The following GLB1L2 variants were observed in gnomAD, a reference collection of about 807,000 sequenced individuals.
GLB1L2 encodes beta-galactosidase-1-like protein 2.
A neutral mutation model predicts 84.1 loss-of-function variants in GLB1L2; 68 were observed. That is an observed-to-expected ratio of 0.81 (90% CI 0.67 to 0.99). GLB1L2 has a LOEUF of 0.99. GLB1L2 is among the 50% of genes least tolerant of loss of function. The pLI, the probability that GLB1L2 is intolerant of heterozygous loss-of-function variation, is 0.00. For missense variants in GLB1L2, 762 were observed against 805.6 expected (o/e 0.95, Z 0.66); for synonymous variants, 290 against 318.0 (o/e 0.91, Z 0.94).
At chr11:134,353,415 A>C (rs1021628071) in intron 5 of GLB1L2, among the ~76,000 whole-genome samples, 4 of 152,018 alleles carry the variant, frequency 2.6e-5, no homozygotes, top group African/African-American at 9.7e-5. Flanking sequence ...GTTTTTTTTT[A>C]AAAAAGAAAA....
chr11:134,364,374 G>A lies in GLB1L2; in HGVS notation c.780G>A (p.Leu260=), dbSNP rs1007610787. ...NLQSTHELQL[L]TTFLFNVQGT... ...AGTCAACACACGAGCTGCAGCTACT[G>A]ACCACCTTTCTCTTCAACGTCCAGG... The change falls in exon 8 of 19, where the codon CTG becomes CTA. Residue 260 remains leucine (L), a synonymous_variant. Transcript: ENST00000535456. The A allele has an allele frequency of 1.2e-5, 20 of 1,613,950 alleles. No individual in the cohort carries two copies. The highest frequency in any genetic ancestry group is 1.7e-5 in the Non-Finnish European group (20 of 1,179,954).
Position 134,347,405 on chromosome 11 carries a change from A to G in GLB1L2, c.530A>G (p.His177Arg), listed in dbSNP as rs1364394080. Residue 177 changes from histidine (H) to arginine (R), a missense_variant, in exon 5 of 19, where the codon CAC becomes CGC. By Grantham distance (29) the His-to-Arg change is conservative. Transcript: ENST00000535456. Reference sequence around the variant, plus strand: ...GAAGCAGTGGACCTTTATTTTGACCACCTGATGTCCAGGGTGGTGCCACTC... The same window carrying G: ...GAAGCAGTGGACCTTTATTTTGACCGCCTGATGTCCAGGGTGGTGCCACTC... ...FTEAVDLYFD[H>R]LMSRVVPLQY... 1 of 1,613,962 alleles carries G rather than the reference A, an allele frequency of 6.2e-7. No individual in the cohort carries two copies. The highest frequency in any genetic ancestry group is 2.2e-5 in the East Asian group (1 of 44,884).
At chr11:134,332,332 G>A (rs1367314712) in intron 1 of GLB1L2, among the ~76,000 whole-genome samples, 185 bp downstream of exon 1, 1 of 152,030 alleles carries the variant, frequency 6.6e-6, no homozygotes, top group Non-Finnish European at 1.5e-5. Context: ...TACTCCTGCC[G>A]CGCGATCCAG....
chr11:134,352,893 C>T (rs556481321), intron 5 of GLB1L2, among the ~76,000 whole-genome samples: 2 of 152,084 alleles, frequency 1.3e-5, no homozygotes, highest in Non-Finnish European at 2.9e-5. Flanking sequence ...GGTGATCCGC[C>T]CGCCTTGGCC....
At chr11:134,344,221 AT>A (rs1168053963) in intron 2 of GLB1L2, among the ~76,000 whole-genome samples, 165 bp from the exon 3 acceptor site, 1 of 152,236 alleles carries the variant, frequency 6.6e-6, no homozygotes, top group Non-Finnish European at 1.5e-5. Context: ...CTTGCCCTCG[AT>A]TCTGGTCCCT....
Position 134,373,811 on chromosome 11 carries a change from G to C in GLB1L2, c.1595+3G>C. On this transcript the variant is annotated splice_donor_region_variant and intron_variant, in intron 16 of 18. Transcript: ENST00000535456. ...ATGAAGAAGAGCTTCTTTCAGAGGTGGGTCCCTGCCCAGCACCAGCCCTTG... is the reference window on the plus strand; with the variant it reads ...ATGAAGAAGAGCTTCTTTCAGAGGTCGGTCCCTGCCCAGCACCAGCCCTTG... The C allele has an allele frequency of 6.3e-7, 1 of 1,596,558 alleles. No individual in the cohort carries two copies. The highest frequency in any genetic ancestry group is 8.6e-7 in the Non-Finnish European group (1 of 1,164,448).
At chr11:134,373,664 C>T (rs1943986509) in intron 15 of GLB1L2, 57 bp from the exon 16 acceptor site, 1 of 1,180,102 alleles carries the variant, frequency 8.5e-7, no homozygotes, top group African/African-American at 1.5e-5. Context: ...TGGCCCCGGC[C>T]CAGCTGACTC....
intron 15 of GLB1L2, among the ~76,000 whole-genome samples, chr11:134,373,406 G>A (rs761720257): frequency 5.3e-5 from 8 of 152,176 alleles, no homozygotes; most frequent in Non-Finnish European, 8.8e-5. Flanking sequence ...GAACCCTCTC[G>A]GTCATCTGGA....
chr11:134,364,272 A>T lies in GLB1L2; in HGVS notation c.734-56A>T. The T allele has an allele frequency of 2.1e-6, 3 of 1,420,778 alleles. No individual in the cohort carries two copies. The East Asian group carries it at 6.8e-5, about 32-fold the overall frequency. 88.0% of individuals were successfully genotyped at this position (1,420,778 alleles called of 1,614,324 possible). On this transcript the variant is annotated intron_variant, in intron 7 of 18. Coordinates refer to ENST00000535456, the MANE Select transcript of GLB1L2 (RefSeq NM_001370461.1). ...TGAGAAGGGTCTGGGGTCACCTAGAAGGTCCCTGGCTTTGAGACAGTGCTT... is the reference window on the plus strand; with the variant it reads ...TGAGAAGGGTCTGGGGTCACCTAGATGGTCCCTGGCTTTGAGACAGTGCTT...
At chr11:134,358,610 C>A (rs1221303028) in intron 6 of GLB1L2, among the ~76,000 whole-genome samples, 1 of 152,266 alleles carries the variant, frequency 6.6e-6, no homozygotes, top group Non-Finnish European at 1.5e-5. Flanking sequence ...AAACCCACAC[C>A]GGCCAGCGTG....
At chr11:134,355,122 C>T (rs1943684549) in intron 5 of GLB1L2, among the ~76,000 whole-genome samples, 1 of 152,136 alleles carries the variant, frequency 6.6e-6, no homozygotes, top group South Asian at 2.1e-4. Flanking sequence ...TGCCGTTGAA[C>T]TCCTCTAGTG....
Position 134,332,071 on chromosome 11 carries a change from T to G in GLB1L2, c.10T>G (p.Trp4Gly). 6.3e-7 allele frequency: 1 copy of G among 1,580,760 alleles called. No homozygotes were observed. Reference sequence around the variant, plus strand: ...GCTTAGAGAACACGCGATGACCACGTGGAGCCTCCGGCGGAGGCCGGCCCG... The same window carrying G: ...GCTTAGAGAACACGCGATGACCACGGGGAGCCTCCGGCGGAGGCCGGCCCG... MTT[W>G]SLRRRPARTL... is the part of the protein sequence containing the mutation. Residue 4 changes from tryptophan to glycine, a missense_variant, in exon 1 of 19, where the codon TGG becomes GGG. Around this residue, in one of 3 missense-constraint regions of GLB1L2, gnomAD observed 100 missense variants for 88.8 expected, o/e 1.13. Transcript: ENST00000535456.
At chr11:134,361,759 G>GC (rs1254505918) in intron 7 of GLB1L2, among the ~76,000 whole-genome samples, 2 of 152,084 alleles carry the variant, frequency 1.3e-5, no homozygotes, top group Non-Finnish European at 2.9e-5. Context: ...ATGGTGGGGG[G>GC]TCTGCTGCTT....
At chr11:134,363,388 A>G (rs1247813446) in intron 7 of GLB1L2, among the ~76,000 whole-genome samples, 2 of 152,236 alleles carry the variant, frequency 1.3e-5, no homozygotes, top group Admixed American at 1.3e-4. Flanking sequence ...CTGGCTTGCC[A>G]GGCTGGCTCA....
At position 134,372,847 on chromosome 11, in the gene GLB1L2, C is replaced by T. The variant is rs76118810; in HGVS notation, c.1508-874C>T. ...GCCTCAGAGCGGCATCTAGCACCACCCAGGCCCACACTCCTTTACCCTAGA... is the reference window on the plus strand; with the variant it reads ...GCCTCAGAGCGGCATCTAGCACCACTCAGGCCCACACTCCTTTACCCTAGA... On this transcript the variant is annotated intron_variant, in intron 15 of 18. Coordinates refer to ENST00000535456, the MANE Select transcript of GLB1L2 (RefSeq NM_001370461.1). 7.6e-3 allele frequency among the ~76,000 whole-genome samples: 1,154 copies of T among 152,256 alleles called. 24 individuals carry two copies. The highest frequency in any genetic ancestry group is 0.026 in the African/African-American group (1,100 of 41,538).
At position 134,375,024 on chromosome 11, in the gene GLB1L2, C is replaced by A. The variant is rs1439450372; in HGVS notation, c.1877C>A (p.Thr626Asn). 1.2e-6 allele frequency: 2 copies of A among 1,613,598 alleles called. No individual in the cohort carries two copies. The highest frequency in any genetic ancestry group is 2.7e-5 in the African/African-American group (2 of 74,920). Residue 626 changes from threonine to asparagine, a missense_variant, in exon 19 of 19, where the codon ACC (threonine) becomes AAC (asparagine). Physicochemically the swap from Thr to Asn is moderately conservative, Grantham distance 65. Coordinates refer to ENST00000535456, the MANE Select transcript of GLB1L2 (RefSeq NM_001370461.1). ...MAGPALQFTETPHLGRNQYIK is the reference protein window; with the variant it reads ...MAGPALQFTENPHLGRNQYIK ...GGCCCTGCATTACAGTTCACGGAAACCCCCCACCTGGGCAGGAACCAGTAC... is the reference window on the plus strand; with the variant it reads ...GGCCCTGCATTACAGTTCACGGAAAACCCCCACCTGGGCAGGAACCAGTAC...
intron 15 of GLB1L2, among the ~76,000 whole-genome samples, chr11:134,373,258 C>T (rs575825143): frequency 4.6e-5 from 7 of 152,242 alleles, no homozygotes; most frequent in East Asian, 1.9e-4. Flanking sequence ...GTTGGATGCC[C>T]GAGGGAGGGT....
chr11:134,356,114 G>C (rs1437500440), intron 5 of GLB1L2, 187 bp from the exon 6 acceptor site: 3 of 702,362 alleles, frequency 4.3e-6, no homozygotes, highest in Non-Finnish European at 7.8e-6. Flanking sequence ...GTCTGGAGTT[G>C]TTTTCTTGAT....
intron 7 of GLB1L2, among the ~76,000 whole-genome samples, chr11:134,362,000 T>A (rs1273003534): frequency 6.6e-6 from 1 of 152,190 alleles, no homozygotes; most frequent in Non-Finnish European, 1.5e-5. Flanking sequence ...ACGCTCACCA[T>A]GGTGGGCCGT....
Sources: gnomAD v4.1 joint callset for allele counts (sites outside exome capture counted in the v4.1 genomes callset) on GRCh38, gnomAD v4.1.1 for gene constraint, gnomAD v4.1.1 regional missense constraint, MANE v1.5 for transcripts, NCBI Gene and HGNC (gene_info 2026-07-23, HGNC 2026-07-21) for gene names.